The following TRAPPC9 variants were observed in gnomAD, a reference collection of about 807,000 sequenced individuals.
TRAPPC9 encodes IKK2 binding protein.
In TRAPPC9, 83 loss-of-function variants were observed where a neutral mutation model predicts 124.0. The ratio of observed to expected loss-of-function variants is 0.67; its 90% CI spans 0.56 to 0.80. The LOEUF (loss-of-function observed/expected upper bound fraction) is 0.80, where lower values mean the gene tolerates loss of function less well. Among genes scored for constraint, TRAPPC9 ranks in the 30% least tolerant of loss-of-function variants. The pLI is 0.00. For missense variants in TRAPPC9, 1,302 were observed against 1,508.3 expected, an observed-to-expected ratio of 0.86 and a Z score of 2.27; for synonymous variants, 638 against 617.5, an observed-to-expected ratio of 1.03 and a Z score of -0.49.
intron 16 of TRAPPC9, among the ~76,000 whole-genome samples, chr8:140,237,063 C>A (rs988913146): frequency 6.6e-6 from 1 of 152,074 alleles, no homozygotes; most frequent in Admixed American, 6.6e-5. Flanking sequence ...CGCATGTAGT[C>A]CCAGCTACTG....
chr8:139,959,930 C>G (rs1835262366), intron 19 of TRAPPC9, among the ~76,000 whole-genome samples: 1 of 152,172 alleles, frequency 6.6e-6, no homozygotes, highest in Non-Finnish European at 1.5e-5. Flanking sequence ...GGTCACAACC[C>G]AAGACACAGA....
chr8:140,218,642 A>G (rs930692483), intron 17 of TRAPPC9, among the ~76,000 whole-genome samples: 15 of 151,902 alleles, frequency 9.9e-5, no homozygotes, highest in Non-Finnish European at 2.1e-4. Context: ...GGTGGAAAAC[A>G]CATGTCCAGG....
chr8:140,378,380 A>T (rs1456361551), intron 7 of TRAPPC9, among the ~76,000 whole-genome samples: 1 of 152,144 alleles, frequency 6.6e-6, no homozygotes, highest in African/African-American at 2.4e-5. Context: ...GCAGGCAGAA[A>T]ATATGAAAAG....
intron 19 of TRAPPC9, among the ~76,000 whole-genome samples, chr8:139,919,979 G>C (rs1832409305): frequency 2.0e-5 from 3 of 152,206 alleles, no homozygotes; most frequent in Admixed American, 6.5e-5. Flanking sequence ...TGTAACGGTG[G>C]GTTTTTGGGT....
intron 21 of TRAPPC9, among the ~76,000 whole-genome samples, chr8:139,739,125 G>A (rs954923315): frequency 3.9e-5 from 6 of 152,194 alleles, no homozygotes; most frequent in East Asian, 1.9e-4. Context: ...CGGGCACCAC[G>A]GGGTCTCACC....
intron 17 of TRAPPC9, among the ~76,000 whole-genome samples, chr8:140,120,429 C>T (rs183386839): frequency 1.2e-4 from 19 of 152,318 alleles, no homozygotes; most frequent in African/African-American, 4.1e-4. Flanking sequence ...AGTGCTTCTC[C>T]CAGGAAGGAA....
chr8:140,049,965 C>T (rs975673513), intron 17 of TRAPPC9, among the ~76,000 whole-genome samples: 21 of 152,250 alleles, frequency 1.4e-4, no homozygotes, highest in African/African-American at 4.8e-4. Context: ...GTTGCCTACA[C>T]GCCAAATGAC....
chr8:139,789,914 G>GGCCCTACC (rs1822537474), intron 21 of TRAPPC9, among the ~76,000 whole-genome samples: 1 of 152,142 alleles, frequency 6.6e-6, no homozygotes. Flanking sequence ...GATGAAGGCG[G>GGCCCTACC]GCCCTACCCA....
At chr8:139,897,647 T>C (rs1830747410) in intron 20 of TRAPPC9, among the ~76,000 whole-genome samples, 1 of 152,210 alleles carries the variant, frequency 6.6e-6, no homozygotes, top group Non-Finnish European at 1.5e-5. Flanking sequence ...GGAAGCCTCC[T>C]TGGGGATGTT....
At chr8:139,978,372 G>A (rs193196457) in intron 19 of TRAPPC9, among the ~76,000 whole-genome samples, 1 of 152,194 alleles carries the variant, frequency 6.6e-6, no homozygotes, top group Non-Finnish European at 1.5e-5. Context: ...GAGACAACCG[G>A]AAATTTAAAC....
intron 17 of TRAPPC9, among the ~76,000 whole-genome samples, chr8:140,125,918 G>T (rs34353334): frequency 0.28 from 41,854 of 151,840 alleles, 7,226 homozygotes; most frequent in Admixed American, 0.44. Context: ...AGAGCCCATT[G>T]AGAGGAGGGT....
At chr8:140,304,155 C>T (rs980837729) in intron 10 of TRAPPC9, among the ~76,000 whole-genome samples, 1 of 150,878 alleles carries the variant, frequency 6.6e-6, no homozygotes, top group African/African-American at 2.4e-5. Context: ...AATGCAGTGG[C>T]ATGATCTTGG....
intron 9 of TRAPPC9, among the ~76,000 whole-genome samples, chr8:140,350,668 T>A (rs574286126): frequency 6.6e-6 from 1 of 152,078 alleles, no homozygotes; most frequent in Non-Finnish European, 1.5e-5. Flanking sequence ...TGAGCCCTCA[T>A]GCAGAAGCGC....
intron 20 of TRAPPC9, among the ~76,000 whole-genome samples, chr8:139,891,756 C>T (rs927612951): frequency 3.3e-5 from 5 of 152,218 alleles, no homozygotes; most frequent in Non-Finnish European, 7.3e-5. Flanking sequence ...TGGGGGTGGG[C>T]AGACCAACAG....
rs572111501 is a variant in TRAPPC9, at chr8:140,087,979, G to A, written c.2557-63900C>T. On this transcript the variant is annotated intron_variant, in intron 17 of 22. Transcript: ENST00000438773. This position sits in a 1 kb window ranked among gnomAD's most constrained non-coding sequence, Gnocchi z 4.6. ...CAGCTGTGATTTCTGCTTGGAAGAT[G>A]TGGCTTACCAGAGCCCCTAGCTCTT... Among the ~76,000 whole-genome samples, 38 of 152,090 alleles carry A rather than the reference G, an allele frequency of 2.5e-4. No homozygotes were observed. Among genetic ancestry groups the A allele is most frequent in the African/African-American group, 9.2e-4 (38 of 41,490 alleles).
At chr8:140,011,866 C>G (rs370699302) in intron 18 of TRAPPC9, among the ~76,000 whole-genome samples, 12 of 151,896 alleles carry the variant, frequency 7.9e-5, no homozygotes, top group African/African-American at 2.9e-4. Context: ...TTTGTAGAGA[C>G]AGGGTTTCAC....
At position 140,311,173 on chromosome 8, in the gene TRAPPC9, C is replaced by T. The variant is rs1187121946; in HGVS notation, c.1622+75G>A. 1.4e-5 allele frequency: 22 copies of T among 1,574,568 alleles called. No homozygotes were observed. In the East Asian group the frequency reaches 4.5e-4, roughly 32 times the overall value. ...CAAAAATGGGAACTCTTCTAAAGAT[C>T]TCTATTCACAATCAGACTAGAGGAC... On this transcript the variant is annotated intron_variant, in intron 10 of 22. Transcript: ENST00000438773.
At chr8:139,894,746 G>A (rs185286425) in intron 20 of TRAPPC9, among the ~76,000 whole-genome samples, 9 of 152,340 alleles carry the variant, frequency 5.9e-5, no homozygotes, top group Admixed American at 5.2e-4. Flanking sequence ...GGCAAGATGA[G>A]CTCAGTTTCA....
intron 5 of TRAPPC9, among the ~76,000 whole-genome samples, chr8:140,424,874 A>G (rs1339423431): frequency 6.6e-6 from 1 of 152,292 alleles, no homozygotes; most frequent in East Asian, 1.9e-4. Context: ...AAAAATTTGG[A>G]AACAGTTTGC....
Sources: gnomAD v4.1 joint callset for allele counts (sites outside exome capture counted in the v4.1 genomes callset) on GRCh38, gnomAD v4.1.1 for gene constraint, Gnocchi (gnomAD v3.1) non-coding constraint, MANE v1.5 for transcripts, NCBI Gene and HGNC (gene_info 2026-07-23, HGNC 2026-07-21) for gene names.